The following VIPR2 variants were observed in gnomAD, a reference collection of about 807,000 sequenced individuals.
VIPR2 encodes vasoactive intestinal polypeptide receptor 2.
Under a neutral mutation model 58.0 loss-of-function variants are expected in VIPR2, and 48 were observed. The observed-to-expected ratio is 0.83, with a 90% CI of 0.66 to 1.05. The LOEUF (loss-of-function observed/expected upper bound fraction) is 1.05. Among genes scored for constraint, VIPR2 ranks in the 50% least tolerant of loss-of-function variants. VIPR2 has a pLI of 0.00. For synonymous variants in VIPR2, 243 were observed against 235.2 expected (o/e 1.03, Z -0.30); for missense variants, 534 against 558.0 (o/e 0.96, Z 0.43).
At chr7:159,144,115 TCTTTTTTCTTTC>T (rs1365926996) in intron 1 of VIPR2, among the ~76,000 whole-genome samples, 1 of 151,786 alleles carries the variant, frequency 6.6e-6, no homozygotes, top group Non-Finnish European at 1.5e-5. Context: ...TTTTTTTCTT[TCTTTTTTCTTTC>T]CTTTTTTTTT....
chr7:159,036,406 G>C (rs1853960252), intron 7 of VIPR2, among the ~76,000 whole-genome samples: 1 of 152,156 alleles, frequency 6.6e-6, no homozygotes, highest in Non-Finnish European at 1.5e-5. Flanking sequence ...GGCAAGGCAA[G>C]GCTTCCGCTA....
At chr7:159,091,432 T>C (rs998729968) in intron 4 of VIPR2, among the ~76,000 whole-genome samples, 3 of 152,206 alleles carry the variant, frequency 2.0e-5, no homozygotes, top group Non-Finnish European at 2.9e-5. Flanking sequence ...CCAGGTGCTC[T>C]GTGAACGCTC....
intron 5 of VIPR2, among the ~76,000 whole-genome samples, chr7:159,049,894 G>A (rs988272234): frequency 6.6e-6 from 1 of 152,156 alleles, no homozygotes; most frequent in African/African-American, 2.4e-5. Context: ...TGACGGCCCA[G>A]GCTGGTCTAC....
chr7:159,136,664 AC>A (rs1244299776), intron 2 of VIPR2, among the ~76,000 whole-genome samples: 1 of 151,868 alleles, frequency 6.6e-6, no homozygotes. Flanking sequence ...CCTCTCAAGA[AC>A]CCCCGCGTCA....
At chr7:159,042,081 G>A (rs1001738009) in intron 6 of VIPR2, among the ~76,000 whole-genome samples, 2 of 152,206 alleles carry the variant, frequency 1.3e-5, no homozygotes, top group African/African-American at 4.8e-5. Context: ...GCATGAAGAC[G>A]ATGATGGGCT....
chr7:159,144,199 T>G, intron 1 of VIPR2: 1 of 1,179,378 alleles, frequency 8.5e-7, no homozygotes, highest in Non-Finnish European at 1.1e-6. Context: ...AACAAACTTA[T>G]GAGCAGTTAG....
chr7:159,118,103 C>T (rs1044399329), intron 2 of VIPR2, among the ~76,000 whole-genome samples: 7 of 152,192 alleles, frequency 4.6e-5, no homozygotes, highest in Non-Finnish European at 8.8e-5. Flanking sequence ...ACTCCCCTTG[C>T]ACAGCAAATA....
rs1394321291 is a variant in VIPR2 at position 159,097,044 on chromosome 7, C to T, written c.357+6713G>A. ...ATTTGGGGCAGGCCGCTCTGGGGGTCTCTGGCAGGCTCCTCCTGGCACCCT... is the reference window on the plus strand; with the variant it reads ...ATTTGGGGCAGGCCGCTCTGGGGGTTTCTGGCAGGCTCCTCCTGGCACCCT... On this transcript the variant is annotated intron_variant, in intron 4 of 12. Coordinates refer to ENST00000262178, the MANE Select transcript of VIPR2 (RefSeq NM_003382.5). This position sits in a 1 kb window ranked among gnomAD's most constrained non-coding sequence, Gnocchi z 5.3. 19 of 1,548,760 alleles carry T rather than the reference C, an allele frequency of 1.2e-5. No homozygotes were observed. The highest frequency in any genetic ancestry group is 1.6e-5 in the Non-Finnish European group (18 of 1,145,868).
At chr7:159,106,682 G>C (rs1563333872) in intron 3 of VIPR2, among the ~76,000 whole-genome samples, 2 of 142,796 alleles carry the variant, frequency 1.4e-5, no homozygotes, top group Admixed American at 1.4e-4. Context: ...AGGCCAGGGA[G>C]GGGCAGAGAG....
intron 6 of VIPR2, among the ~76,000 whole-genome samples, chr7:159,040,287 C>T (rs1854243008): frequency 6.6e-6 from 1 of 152,222 alleles, no homozygotes; most frequent in East Asian, 1.9e-4. Flanking sequence ...AGGAGACCCA[C>T]CAAGGCCCGG....
chr7:159,103,793 A>G lies in VIPR2; in HGVS notation c.321T>C (p.Asp107=), dbSNP rs1858449953. The change falls in exon 4 of 13, where the codon GAT becomes GAC. Residue 107 remains aspartate (D), a synonymous_variant. Transcript: ENST00000262178. ...GWSETFPDFV[D]ACGYSDPEDE... ...CCTCCGGGTCGCTGTAGCCACAGGC[A>G]TCGACGAAATCTGGGAACGTCTCTG... The G allele has an allele frequency of 2.5e-6, 4 of 1,614,208 alleles. No homozygotes were observed. The highest frequency in any genetic ancestry group is 2.5e-6 in the Non-Finnish European group (3 of 1,180,042).
chr7:159,103,277 C>T (rs1858412308), intron 4 of VIPR2, among the ~76,000 whole-genome samples: 1 of 152,200 alleles, frequency 6.6e-6, no homozygotes. Context: ...TGGCGGAGGA[C>T]AAGCTGGGTC....
At chr7:159,135,500 T>C (rs1250978753) in intron 2 of VIPR2, among the ~76,000 whole-genome samples, 1 of 151,960 alleles carries the variant, frequency 6.6e-6, no homozygotes, top group Non-Finnish European at 1.5e-5. Context: ...CTGGTATCTG[T>C]TCCATAAAAA....
chr7:159,106,946 ACAGAGAGAGGCCAGGGAGGTG>A (rs1301783077), intron 3 of VIPR2, among the ~76,000 whole-genome samples: 5 of 124,462 alleles, frequency 4.0e-5, no homozygotes, highest in Non-Finnish European at 6.8e-5. Flanking sequence ...TCAGGGAGGT[ACAGAGAGAGGCCAGGGAGGTG>A]CAGAGAGAGG....
chr7:159,119,851 TC>T (rs199578722), intron 2 of VIPR2, among the ~76,000 whole-genome samples: 121 of 125,462 alleles, frequency 9.6e-4, no homozygotes, highest in South Asian at 2.8e-3. Context: ...GAAACACCTG[TC>T]CCCCTTGATG....
intron 2 of VIPR2, among the ~76,000 whole-genome samples, chr7:159,129,102 T>C (rs1222537586): frequency 7.6e-6 from 1 of 132,130 alleles, no homozygotes; most frequent in African/African-American, 2.7e-5. Flanking sequence ...CAGGGCCAGG[T>C]GAGCAGCTTC....
intron 5 of VIPR2, among the ~76,000 whole-genome samples, chr7:159,057,128 T>C (rs1855368304): frequency 6.6e-6 from 1 of 152,166 alleles, no homozygotes; most frequent in Admixed American, 6.5e-5. Flanking sequence ...ATAGGGATTG[T>C]TCAATATAGG....
chr7:159,063,134 T>C (rs1042939785), intron 4 of VIPR2, among the ~76,000 whole-genome samples: 3 of 152,194 alleles, frequency 2.0e-5, no homozygotes, highest in African/African-American at 2.4e-5. Context: ...AGTTTTGCGC[T>C]GCGTGCCCGC....
chr7:159,079,487 T>G (rs1214141322), intron 4 of VIPR2, among the ~76,000 whole-genome samples: 1 of 151,606 alleles, frequency 6.6e-6, no homozygotes, highest in Non-Finnish European at 1.5e-5. Flanking sequence ...AGAGGGAAAT[T>G]TATAGCACTA....
Sources: gnomAD v4.1 joint callset for allele counts (sites outside exome capture counted in the v4.1 genomes callset) on GRCh38, gnomAD v4.1.1 for gene constraint, Gnocchi (gnomAD v3.1) non-coding constraint, MANE v1.5 for transcripts, NCBI Gene and HGNC (gene_info 2026-07-23, HGNC 2026-07-21) for gene names.